CSMD1: variants seen among roughly 807,000 people sequenced by gnomAD.
The protein encoded by CSMD1 is CUB and Sushi multiple domains 1.
In CSMD1, 213 loss-of-function variants were observed where a neutral mutation model predicts 417.5. That is an observed-to-expected ratio of 0.51 (90% CI 0.46 to 0.57). CSMD1 has a LOEUF of 0.57. Ranked by LOEUF, CSMD1 falls within the 20% of genes least tolerant of loss-of-function variation. The pLI is 0.00. For missense variants in CSMD1, 6,923 were observed against 4,529.7 expected, an observed-to-expected ratio of 1.53 and a Z score of -15.17; for synonymous variants, 2,862 against 1,736.8, an observed-to-expected ratio of 1.65 and a Z score of -16.11.
chr8:3,157,122 A>G (rs1435857413), intron 39 of CSMD1, among the ~76,000 whole-genome samples: 1 of 152,126 alleles, frequency 6.6e-6, no homozygotes, highest in Non-Finnish European at 1.5e-5. Flanking sequence ...GTAACTGACC[A>G]TGATCCTACT....
intron 3 of CSMD1, among the ~76,000 whole-genome samples, chr8:4,130,921 A>G (rs1435655885): frequency 6.6e-6 from 1 of 152,192 alleles, no homozygotes; most frequent in Admixed American, 6.5e-5. Context: ...CGGATTAATT[A>G]TTCAGGCTTT....
In CSMD1 at chr8:3,717,284, C is replaced by T. The variant is rs7839789; in HGVS notation, c.932-8793G>A. Reference sequence around the variant, plus strand: ...GATTTTGATTAATCAACTCTTTCAACGCTTATCTCAGAAGTATTTTAATGA... The same window carrying T: ...GATTTTGATTAATCAACTCTTTCAATGCTTATCTCAGAAGTATTTTAATGA... On this transcript the variant is annotated intron_variant, in intron 6 of 69. Transcript: ENST00000635120. Among the ~76,000 whole-genome samples, 347 of 152,178 alleles carry T rather than the reference C, an allele frequency of 2.3e-3. 1 individual carries two copies. Among genetic ancestry groups the T allele is most frequent in the African/African-American group, 8.0e-3 (331 of 41,508 alleles).
At chr8:3,500,516 A>G (rs1796555768) in intron 10 of CSMD1, among the ~76,000 whole-genome samples, 1 of 152,186 alleles carries the variant, frequency 6.6e-6, no homozygotes, top group African/African-American at 2.4e-5. Flanking sequence ...AAAGAAGAGG[A>G]ATGAGGATGA....
At chr8:4,723,459 G>A (rs1809197478) in intron 1 of CSMD1, among the ~76,000 whole-genome samples, 1 of 152,124 alleles carries the variant, frequency 6.6e-6, no homozygotes, top group Admixed American at 6.6e-5. Flanking sequence ...TGATACTTAT[G>A]ATTCAAGTCA....
At chr8:3,278,718 C>G (rs900861198) in intron 26 of CSMD1, 1 of 152,078 alleles carries the variant, frequency 6.6e-6, no homozygotes, top group African/African-American at 2.4e-5. Flanking sequence ...TCCCACCCAT[C>G]CTCCCACCTA....
chr8:3,057,702 T>C (rs77718247), intron 49 of CSMD1, among the ~76,000 whole-genome samples: 1 of 152,158 alleles, frequency 6.6e-6, no homozygotes, highest in Non-Finnish European at 1.5e-5. Flanking sequence ...CTAATAGTCA[T>C]TAAAAGGCTG....
At chr8:3,363,890 G>A (rs1256553292) in intron 20 of CSMD1, among the ~76,000 whole-genome samples, 2 of 152,130 alleles carry the variant, frequency 1.3e-5, no homozygotes, top group Non-Finnish European at 2.9e-5. Flanking sequence ...TATGTAGAAT[G>A]GGGATTGTGC....
intron 23 of CSMD1, among the ~76,000 whole-genome samples, chr8:3,326,720 A>G (rs1016889929): frequency 3.3e-5 from 5 of 152,164 alleles, no homozygotes. Context: ...CTGTCTCCCT[A>G]TTGTATTGGA....
chr8:3,669,561 G>A (rs950501953), intron 7 of CSMD1, among the ~76,000 whole-genome samples: 5 of 152,188 alleles, frequency 3.3e-5, no homozygotes, highest in Admixed American at 6.5e-5. Flanking sequence ...TCAGAAGGAG[G>A]GGAATGTAGC....
intron 9 of CSMD1, among the ~76,000 whole-genome samples, chr8:3,581,111 G>A (rs1230651115): frequency 1.3e-5 from 2 of 152,068 alleles, no homozygotes; most frequent in East Asian, 3.9e-4. Flanking sequence ...AAGTGCATTA[G>A]CATTAAAGAA....
intron 41 of CSMD1, among the ~76,000 whole-genome samples, chr8:3,125,971 C>T (rs1055191181): frequency 6.6e-6 from 1 of 151,986 alleles, no homozygotes; most frequent in African/African-American, 2.4e-5. Flanking sequence ...AGTTAGACTC[C>T]ACCTCAAAAA....
chr8:3,639,818 C>A (rs1427704166), intron 7 of CSMD1, among the ~76,000 whole-genome samples: 1 of 152,002 alleles, frequency 6.6e-6, no homozygotes, highest in East Asian at 1.9e-4. Context: ...GGGCAATGGA[C>A]CTAAAGCAAA....
chr8:4,435,560 G>A (rs905237196), intron 2 of CSMD1, among the ~76,000 whole-genome samples: 2 of 152,122 alleles, frequency 1.3e-5, no homozygotes, highest in African/African-American at 4.8e-5. Flanking sequence ...ATTTTCCTAT[G>A]GCTGTCATGC....
At chr8:4,304,370 T>G (rs1280349556) in intron 3 of CSMD1, among the ~76,000 whole-genome samples, 1 of 152,150 alleles carries the variant, frequency 6.6e-6, no homozygotes, top group East Asian at 1.9e-4. Flanking sequence ...ATTATCAAAG[T>G]GAGCTCATGT....
At chr8:3,121,370 T>G (rs75003430) in intron 41 of CSMD1, among the ~76,000 whole-genome samples, 1 of 152,108 alleles carries the variant, frequency 6.6e-6, no homozygotes, top group African/African-American at 2.4e-5. Context: ...GAAAAATGAT[T>G]GAGAACAAGA....
intron 5 of CSMD1, among the ~76,000 whole-genome samples, chr8:3,900,351 C>G (rs893922010): frequency 6.0e-5 from 9 of 150,940 alleles, no homozygotes; most frequent in Non-Finnish European, 1.3e-4. Context: ...GACAGTGTAG[C>G]TGGTTGACAG....
chr8:4,560,547 G>T (rs373131582), intron 2 of CSMD1, among the ~76,000 whole-genome samples: 1 of 152,196 alleles, frequency 6.6e-6, no homozygotes. Flanking sequence ...TCTGCTACCT[G>T]TAGATACAGT....
At chr8:4,473,360 T>C (rs1472669909) in intron 2 of CSMD1, among the ~76,000 whole-genome samples, 1 of 152,186 alleles carries the variant, frequency 6.6e-6, no homozygotes, top group African/African-American at 2.4e-5. Context: ...TTGGGGTATC[T>C]GAGGTTGAGA....
intron 5 of CSMD1, among the ~76,000 whole-genome samples, chr8:3,896,041 C>G (rs1440603841): frequency 6.6e-6 from 1 of 152,214 alleles, no homozygotes; most frequent in Non-Finnish European, 1.5e-5. Flanking sequence ...GAAGAAATGA[C>G]TGCGGAGCGC....
Sources: gnomAD v4.1 joint callset for allele counts (sites outside exome capture counted in the v4.1 genomes callset) on GRCh38, gnomAD v4.1.1 for gene constraint, MANE v1.5 for transcripts, NCBI Gene and HGNC (gene_info 2026-07-23, HGNC 2026-07-21) for gene names.